Variants in DLG2 observed in about 807,000 individuals in gnomAD.
DLG2 encodes disks large homolog 2.
Under a neutral mutation model 132.5 loss-of-function variants are expected in DLG2, and 45 were observed. The ratio of observed to expected loss-of-function variants is 0.34; its 90% CI spans 0.27 to 0.44. DLG2 has a LOEUF of 0.44. Among genes scored for constraint, DLG2 ranks in the 20% least tolerant of loss-of-function variants. The probability of loss-of-function intolerance (pLI) is 1.00; values close to 1 mark genes in which losing one functional copy is unlikely to be tolerated. For synonymous variants in DLG2, 424 were observed against 419.6 expected, an observed-to-expected ratio of 1.01 and a Z score of -0.13; for missense variants, 1,045 against 1,196.9, an observed-to-expected ratio of 0.87 and a Z score of 1.87.
At chr11:85,434,608 C>T (rs528623544) in intron 3 of DLG2, among the ~76,000 whole-genome samples, 1 of 152,084 alleles carries the variant, frequency 6.6e-6, no homozygotes, top group Non-Finnish European at 1.5e-5. Flanking sequence ...CATATACCCT[C>T]CCAAGAGTAA....
chr11:84,946,490 G>C (rs1591667422), intron 6 of DLG2, among the ~76,000 whole-genome samples: 1 of 152,128 alleles, frequency 6.6e-6, no homozygotes, highest in African/African-American at 2.4e-5. Flanking sequence ...GGCCCAGGAT[G>C]TGTCCAGAAA....
chr11:85,209,594 A>C (rs1421687674), intron 4 of DLG2, among the ~76,000 whole-genome samples: 1 of 26,156 alleles, frequency 3.8e-5, no homozygotes, highest in African/African-American at 1.0e-4. Flanking sequence ...CACCCAGCTA[A>C]CTTTTTTTTT....
intron 7 of DLG2, among the ~76,000 whole-genome samples, chr11:84,497,134 A>G (rs1590810322): frequency 6.6e-6 from 1 of 152,182 alleles, no homozygotes; most frequent in African/African-American, 2.4e-5. Flanking sequence ...AACATGGAAA[A>G]TGTTTAGCAC....
At chr11:84,154,800 C>T (rs1426618545) in intron 9 of DLG2, among the ~76,000 whole-genome samples, 5 of 152,174 alleles carry the variant, frequency 3.3e-5, no homozygotes, top group African/African-American at 4.8e-5. Flanking sequence ...TTTCCAGCTT[C>T]ACCCATGCCC....
intron 4 of DLG2, among the ~76,000 whole-genome samples, chr11:85,283,374 C>T (rs2078356993): frequency 1.3e-5 from 2 of 148,226 alleles, no homozygotes; most frequent in South Asian, 4.2e-4. Flanking sequence ...AAAGATAAAG[C>T]AAAGAAGAAA....
rs189437432 is a variant in DLG2, at chr11:84,597,415, C to T, written c.358-62684G>A. Among the ~76,000 whole-genome samples, 204 of 152,160 alleles carry T rather than the reference C, an allele frequency of 1.3e-3. 3 individuals carry two copies. Among genetic ancestry groups the T allele is most frequent in the African/African-American group, 4.6e-3 (193 of 41,526 alleles). ...TTTTCCAAAAAGTTGATACTGTTCT[C>T]AAAAGCACTCTGTTTCTACAAATGC... On this transcript the variant is annotated intron_variant, in intron 6 of 27. Coordinates refer to ENST00000376104, the MANE Select transcript of DLG2 (RefSeq NM_001142699.3).
intron 8 of DLG2, among the ~76,000 whole-genome samples, chr11:84,225,576 G>C (rs1360438676): frequency 6.6e-6 from 1 of 152,098 alleles, no homozygotes; most frequent in African/African-American, 2.4e-5. Flanking sequence ...GGACTCTCTT[G>C]CTATCAGTGA....
At chr11:83,753,759 A>AGACACT (rs2093451051) in intron 18 of DLG2, among the ~76,000 whole-genome samples, 1 of 136,994 alleles carries the variant, frequency 7.3e-6, no homozygotes, top group Non-Finnish European at 1.5e-5. Context: ...TCATATATGT[A>AGACACT]ATATATATGA....
chr11:84,991,135 T>C (rs2057051184), intron 6 of DLG2, among the ~76,000 whole-genome samples: 1 of 152,172 alleles, frequency 6.6e-6, no homozygotes, highest in Non-Finnish European at 1.5e-5. Flanking sequence ...TTAATTTATA[T>C]TGCAAATTTG....
chr11:84,128,872 C>T (rs1474861703), intron 9 of DLG2, among the ~76,000 whole-genome samples: 1 of 152,170 alleles, frequency 6.6e-6, no homozygotes, highest in Non-Finnish European at 1.5e-5. Flanking sequence ...CCTCCAACTT[C>T]AGAGTTCAAC....
Position 84,502,202 on chromosome 11 carries a change from CCTTCCTTCCTTCCTTCCTTCCTTCCT to C in DLG2, c.519+32342_519+32367del, listed in dbSNP as rs1301285918. The stretch of plus-strand genomic sequence containing the variant: ...TCTCTCTCTTTCTCTCTCTCTCTCT[CCTTCCTTCCTTCCTTCCTTCCTTCCT>C]TCCTTCCTTCCTTCCTTCCTTCCTT... On this transcript the variant is annotated intron_variant, in intron 7 of 27. Coordinates refer to ENST00000376104, the MANE Select transcript of DLG2 (RefSeq NM_001142699.3). Among the ~76,000 whole-genome samples, 95 of 24,942 alleles carry C rather than the reference CCTTCCTTCCTTCCTTCCTTCCTTCCT, an allele frequency of 3.8e-3. 18 individuals are homozygous for C. Among genetic ancestry groups the C allele is most frequent in the South Asian group, 8.3e-3 (4 of 484 alleles). 16.4% of individuals were successfully genotyped at this position (24,942 alleles called of 152,430 possible).
chr11:84,793,968 T>C (rs2074223570), intron 6 of DLG2, among the ~76,000 whole-genome samples: 1 of 152,220 alleles, frequency 6.6e-6, no homozygotes, highest in Non-Finnish European at 1.5e-5. Flanking sequence ...TGTGTTCTTC[T>C]CTTCTTTCTT....
chr11:84,439,494 C>G (rs1051149819), intron 7 of DLG2, among the ~76,000 whole-genome samples: 1 of 152,156 alleles, frequency 6.6e-6, no homozygotes. Flanking sequence ...TTAGCTATTT[C>G]TTTTGCTCTA....
intron 11 of DLG2, among the ~76,000 whole-genome samples, chr11:83,995,540 A>G (rs1202995179): frequency 6.6e-6 from 1 of 152,200 alleles, no homozygotes; most frequent in Non-Finnish European, 1.5e-5. Flanking sequence ...AAAAAGAACA[A>G]AACTGGAAGA....
At chr11:83,699,734 A>AAATAAT (rs59518828) in intron 18 of DLG2, among the ~76,000 whole-genome samples, 54 of 146,814 alleles carry the variant, frequency 3.7e-4, no homozygotes, top group South Asian at 1.1e-3. Flanking sequence ...AATAATTTAA[A>AAATAAT]AATAATAATA....
chr11:84,561,553 A>G (rs367604733), intron 6 of DLG2, among the ~76,000 whole-genome samples: 1 of 152,226 alleles, frequency 6.6e-6, no homozygotes, highest in Middle Eastern at 3.4e-3. Flanking sequence ...CTTCTTAAGG[A>G]GGAGACTATG....
intron 18 of DLG2, among the ~76,000 whole-genome samples, chr11:83,760,294 C>A (rs1198034885): frequency 2.6e-5 from 4 of 152,176 alleles, no homozygotes; most frequent in African/African-American, 4.8e-5. Flanking sequence ...AGCTTATATT[C>A]CCATTATTGG....
chr11:84,955,221 T>C (rs557178062), intron 6 of DLG2: 2 of 152,334 alleles, frequency 1.3e-5, no homozygotes, highest in South Asian at 4.1e-4. Context: ...CAGTGCTCAA[T>C]AGTAAAAGCT....
intron 6 of DLG2, among the ~76,000 whole-genome samples, chr11:84,946,594 CAA>C (rs1437003553): frequency 6.6e-6 from 1 of 151,980 alleles, no homozygotes; most frequent in African/African-American, 2.4e-5. Context: ...ACTTACAAGA[CAA>C]AGTCCTCTTT....
Sources: gnomAD v4.1 joint callset for allele counts (sites outside exome capture counted in the v4.1 genomes callset) on GRCh38, gnomAD v4.1.1 for gene constraint, MANE v1.5 for transcripts, NCBI Gene and HGNC (gene_info 2026-07-23, HGNC 2026-07-21) for gene names.